Variants in ARID3A observed in about 807,000 individuals in gnomAD.
The protein encoded by ARID3A is AT-rich interaction domain 3A.
Under a neutral mutation model 52.7 loss-of-function variants are expected in ARID3A, and 11 were observed. The observed-to-expected ratio is 0.21, with a 90% CI of 0.13 to 0.35. The LOEUF is 0.35. ARID3A is among the 10% of genes least tolerant of loss of function. The pLI is 1.00. For synonymous variants in ARID3A, 404 were observed against 359.4 expected, an observed-to-expected ratio of 1.12 and a Z score of -1.40; for missense variants, 721 against 838.5, an observed-to-expected ratio of 0.86 and a Z score of 1.73.
At chr19:967,586 G>C (rs1443509238) in intron 7 of ARID3A, among the ~76,000 whole-genome samples, 1 of 152,098 alleles carries the variant, frequency 6.6e-6, no homozygotes, top group African/African-American at 2.4e-5. Context: ...AAACAAAGTG[G>C]AGTATGGACA....
chr19:955,233 C>G (rs1048264407), intron 3 of ARID3A, among the ~76,000 whole-genome samples: 1 of 152,234 alleles, frequency 6.6e-6, no homozygotes, highest in Non-Finnish European at 1.5e-5. Context: ...ATCCCTGGGG[C>G]CTCGGCCAGC....
rs1271222579 is a variant in ARID3A, at chr19:972,831, A to C, written c.*766A>C. The C allele has an allele frequency of 3.1e-4, 32 of 101,862 alleles. No individual in the cohort carries two copies. The highest frequency in any genetic ancestry group is 1.3e-3 in the East Asian group (7 of 5,522). The allele number at this position is 101,862 out of a possible 1,614,324, so 6.3% of individuals were successfully genotyped here. A position where few individuals can be genotyped will look rare whatever the true frequency, so the allele number is the denominator to read the frequency against. On this transcript the variant is annotated 3_prime_UTR_variant, in exon 9 of 9. Transcript: ENST00000263620. ...AAAAAAAAAAAAAAAAAAAAAAAAAACTCACCTTTTTATTTTTCCCATGAC... is the reference window on the plus strand; with the variant it reads ...AAAAAAAAAAAAAAAAAAAAAAAAACCTCACCTTTTTATTTTTCCCATGAC...
Position 938,194 on chromosome 19 carries a change from A to T in ARID3A, c.693+5452A>T, listed in dbSNP as rs1417444578. Among the ~76,000 whole-genome samples, 1 of 151,988 alleles carries T rather than the reference A, an allele frequency of 6.6e-6. No individual in the cohort carries two copies. ...CCTTGTGGGGGTGGCGTGGTTTCTC[A>T]CTGTGGTTCTGATTTTCATTCAGTG... On this transcript the variant is annotated intron_variant, in intron 3 of 8. Coordinates refer to ENST00000263620, the MANE Select transcript of ARID3A (RefSeq NM_005224.3). This position sits in a 1 kb window ranked among gnomAD's most constrained non-coding sequence, Gnocchi z 4.0.
At position 947,467 on chromosome 19, in the gene ARID3A, A is replaced by C. The variant is rs1218879641; in HGVS notation, c.694-12625A>C. 1.3e-5 allele frequency among the ~76,000 whole-genome samples: 2 copies of C among 152,148 alleles called. No homozygotes were observed. The highest frequency in any genetic ancestry group is 6.5e-5 in the Admixed American group (1 of 15,270). On this transcript the variant is annotated intron_variant, in intron 3 of 8. Transcript: ENST00000263620. The surrounding 1 kb of genome is among the most constrained non-coding windows in gnomAD (Gnocchi z 6.3). ...GTGGGCCTCAGTTTCCCCAACTGTG[A>C]AACGGGCTGGCGGCCGGTCAGCGTC...
In ARID3A at chr19:959,915, C is replaced by T. The variant is rs899739458; in HGVS notation, c.694-177C>T. On this transcript the variant is annotated intron_variant, in intron 3 of 8. Transcript: ENST00000263620. This position sits in a 1 kb window ranked among gnomAD's most constrained non-coding sequence, Gnocchi z 5.0. ...CTCGTTCACCGGCATTTCTGTCTTG[C>T]AGCCTTGTGGTTCTTCACCTGCCCA... Among the ~76,000 whole-genome samples, 2 of 152,176 alleles carry T rather than the reference C, an allele frequency of 1.3e-5. No homozygotes were observed. Among genetic ancestry groups the T allele is most frequent in the African/African-American group, 4.8e-5 (2 of 41,436 alleles).
Position 973,119 on chromosome 19 carries a change from T to TTTTTTTTTTTG in ARID3A, c.*1060_*1061insTTTTGTTTTTT, listed in dbSNP as rs2038316716. The TTTTTTTTTTTG allele has an allele frequency of 7.1e-6, 1 of 139,886 alleles. No individual in the cohort carries two copies. Among genetic ancestry groups the TTTTTTTTTTTG allele is most frequent in the Non-Finnish European group, 1.5e-5 (1 of 66,318 alleles). The allele number at this position is 139,886 out of a possible 1,614,324, so 8.7% of individuals were successfully genotyped here. ...GGGCCTGGAAATTTTTTTTTTTTTT[T>TTTTTTTTTTTG]TTTTTTGAGACGGAGTTTTGCTCTT... On this transcript the variant is annotated 3_prime_UTR_variant, in exon 9 of 9. Transcript: ENST00000263620.
At chr19:956,582 G>C (rs1029172464) in intron 3 of ARID3A, 4 of 152,320 alleles carry the variant, frequency 2.6e-5, no homozygotes, top group African/African-American at 9.7e-5. Context: ...CACCCCTCAG[G>C]CAGCTGAAGG....
chr19:968,466 C>T lies in ARID3A; in HGVS notation c.1557C>T (p.Ile519=). The T allele has an allele frequency of 1.2e-6, 2 of 1,614,082 alleles. No individual in the cohort carries two copies. The highest frequency in any genetic ancestry group is 1.3e-5 in the African/African-American group (1 of 75,068). Reference sequence around the variant, plus strand: ...CGGGCACCAACGGCAGCAACAGCATCAGCATGTCGGTGGAGATCAACGGCA... The same window carrying T: ...CGGGCACCAACGGCAGCAACAGCATTAGCATGTCGGTGGAGATCAACGGCA... ...NLTGTNGSNS[I]SMSVEINGIM... The change falls in exon 8 of 9, where the codon ATC becomes ATT. Residue 519 remains isoleucine, a synonymous_variant. Coordinates refer to ENST00000263620, the MANE Select transcript of ARID3A (RefSeq NM_005224.3).
intron 2 of ARID3A, among the ~76,000 whole-genome samples, chr19:931,685 C>T (rs576552170): frequency 1.5e-4 from 22 of 151,456 alleles, no homozygotes; most frequent in Middle Eastern, 3.4e-3. Context: ...TGGTGGCGGG[C>T]GCCTGTAGTC....
chr19:956,223 C>A (rs1269196103), intron 3 of ARID3A, among the ~76,000 whole-genome samples: 1 of 152,298 alleles, frequency 6.6e-6, no homozygotes, highest in East Asian at 1.9e-4. Context: ...CTGCCTCAGG[C>A]GTTTCCCTGG....
chr19:926,796 G>A (rs2037209432), intron 1 of ARID3A, among the ~76,000 whole-genome samples: 1 of 151,764 alleles, frequency 6.6e-6, no homozygotes, highest in Non-Finnish European at 1.5e-5. Context: ...CGCTGGGAGC[G>A]CGCGTTTGTC....
At chr19:948,288 C>T (rs1467334383) in intron 3 of ARID3A, among the ~76,000 whole-genome samples, 1 of 151,900 alleles carries the variant, frequency 6.6e-6, no homozygotes, top group Non-Finnish European at 1.5e-5. Context: ...GCAGAGTGCC[C>T]TGTCCTGGCA....
chr19:940,801 C>G (rs1249173444), intron 3 of ARID3A, among the ~76,000 whole-genome samples: 1 of 152,144 alleles, frequency 6.6e-6, no homozygotes, highest in Non-Finnish European at 1.5e-5. Flanking sequence ...ACGTGAGCCG[C>G]CGGGAGGGCT....
chr19:944,492 C>T lies in ARID3A; in HGVS notation c.693+11750C>T, dbSNP rs1227123239. On this transcript the variant is annotated intron_variant, in intron 3 of 8. Coordinates refer to ENST00000263620, the MANE Select transcript of ARID3A (RefSeq NM_005224.3). The surrounding 1 kb of genome is among the most constrained non-coding windows in gnomAD (Gnocchi z 5.9). Reference sequence around the variant, plus strand: ...CGGTCGATGCCCCCAAACCTTGACCCATCTCAGGGGCACCACGCTCACTGC... The same window carrying T: ...CGGTCGATGCCCCCAAACCTTGACCTATCTCAGGGGCACCACGCTCACTGC... Among the ~76,000 whole-genome samples the T allele has an allele frequency of 6.6e-6, 1 of 152,164 alleles. No homozygotes were observed. Among genetic ancestry groups the T allele is most frequent in the African/African-American group, 2.4e-5 (1 of 41,430 alleles).
At chr19:958,763 G>A (rs559289180) in intron 3 of ARID3A, among the ~76,000 whole-genome samples, 3 of 152,120 alleles carry the variant, frequency 2.0e-5, no homozygotes, top group Admixed American at 6.5e-5. Flanking sequence ...CGTGGTGGCG[G>A]GCGCCTGTAG....
In ARID3A at chr19:971,778, G is replaced by T. The variant is rs140496918; in HGVS notation, c.1595-100G>T. On this transcript the variant is annotated intron_variant, in intron 8 of 8. Coordinates refer to ENST00000263620, the MANE Select transcript of ARID3A (RefSeq NM_005224.3). ...CTCTAGCCTGGGGGACAGAGTGAGA[G>T]AGAAGTTTATTCCCCGGAGCACCCC... 608 of 1,416,936 alleles carry T rather than the reference G, an allele frequency of 4.3e-4. 3 individuals are homozygous for T. The African/African-American group carries it at 8.1e-3, about 19-fold the overall frequency. 87.8% of individuals were successfully genotyped at this position (1,416,936 alleles called of 1,614,324 possible). A position where few individuals can be genotyped will look rare whatever the true frequency, so the allele number is the denominator to read the frequency against.
intron 1 of ARID3A, among the ~76,000 whole-genome samples, chr19:927,727 G>GA (rs1185520457): frequency 6.6e-6 from 1 of 152,080 alleles, no homozygotes; most frequent in Non-Finnish European, 1.5e-5. Flanking sequence ...TGGGGATGGG[G>GA]GGCTGGGTGC....
At chr19:957,046 CG>C (rs1296238786) in intron 3 of ARID3A, among the ~76,000 whole-genome samples, 4 of 152,334 alleles carry the variant, frequency 2.6e-5, no homozygotes, top group South Asian at 4.1e-4. Context: ...AATTGGCCCC[CG>C]CCTGAACTCC....
At chr19:946,698 C>T (rs944141346) in intron 3 of ARID3A, among the ~76,000 whole-genome samples, 2 of 152,182 alleles carry the variant, frequency 1.3e-5, no homozygotes, top group African/African-American at 4.8e-5. Context: ...GCCTCGGCCT[C>T]CCAAAGTGCT....
Sources: gnomAD v4.1 joint callset for allele counts (sites outside exome capture counted in the v4.1 genomes callset) on GRCh38, gnomAD v4.1.1 for gene constraint, Gnocchi (gnomAD v3.1) non-coding constraint, MANE v1.5 for transcripts, NCBI Gene and HGNC (gene_info 2026-07-23, HGNC 2026-07-21) for gene names.